Variants in DGKI observed in about 807,000 individuals in gnomAD.
The protein encoded by DGKI is diacylglycerol kinase iota.
In DGKI, 55 loss-of-function variants were observed where a neutral mutation model predicts 147.5. That is an observed-to-expected ratio of 0.37 (90% CI 0.30 to 0.47). The LOEUF is 0.47. Ranked by LOEUF, DGKI falls within the 20% of genes least tolerant of loss-of-function variation. DGKI has a pLI of 1.00. For missense variants in DGKI, 1,007 were observed against 1,323.8 expected (o/e 0.76, Z 3.71); for synonymous variants, 469 against 477.1 (o/e 0.98, Z 0.22).
intron 2 of DGKI, among the ~76,000 whole-genome samples, chr7:137,687,939 C>T (rs1399269148): frequency 6.6e-6 from 1 of 152,098 alleles, no homozygotes; most frequent in Non-Finnish European, 1.5e-5. Flanking sequence ...AGCCTTCATT[C>T]CTATTTGTTT....
intron 23 of DGKI, among the ~76,000 whole-genome samples, chr7:137,484,592 C>T (rs1815487171): frequency 6.6e-6 from 1 of 151,970 alleles, no homozygotes; most frequent in Non-Finnish European, 1.5e-5. Flanking sequence ...GGGAGTAATA[C>T]TGTGTACTAG....
intron 21 of DGKI, among the ~76,000 whole-genome samples, chr7:137,518,394 G>A (rs975637189): frequency 2.0e-5 from 3 of 152,014 alleles, no homozygotes; most frequent in Admixed American, 6.6e-5. Flanking sequence ...TAGGGCAAAT[G>A]CTTAACTAAA....
chr7:137,419,096 C>T (rs1056975219), intron 28 of DGKI, among the ~76,000 whole-genome samples: 1 of 152,208 alleles, frequency 6.6e-6, no homozygotes, highest in Non-Finnish European at 1.5e-5. Flanking sequence ...CTCCCCCCTT[C>T]CCCAGGTCTG....
intron 20 of DGKI, among the ~76,000 whole-genome samples, chr7:137,526,815 G>T (rs1048503934): frequency 6.6e-6 from 1 of 151,966 alleles, no homozygotes; most frequent in Admixed American, 6.6e-5. Flanking sequence ...GCCCTCAAAC[G>T]TCTTCCTCCT....
At chr7:137,622,150 AC>A (rs1820770899) in intron 7 of DGKI, among the ~76,000 whole-genome samples, 2 of 152,240 alleles carry the variant, frequency 1.3e-5, no homozygotes, top group African/African-American at 4.8e-5. Context: ...TTTCCAGACC[AC>A]CGAGTCTCTA....
chr7:137,653,085 C>G (rs113288783), intron 5 of DGKI, among the ~76,000 whole-genome samples: 13 of 152,316 alleles, frequency 8.5e-5, no homozygotes, highest in African/African-American at 2.9e-4. Flanking sequence ...CATTTTCCAA[C>G]ATCTAATCAG....
intron 19 of DGKI, among the ~76,000 whole-genome samples, chr7:137,560,942 AAG>A: frequency 6.6e-6 from 1 of 152,172 alleles, no homozygotes; most frequent in East Asian, 1.9e-4. Flanking sequence ...CAGCAGCAAT[AAG>A]AAAGTAATAC....
chr7:137,522,102 C>T, intron 20 of DGKI, 136 bp from the exon 21 acceptor site: 1 of 612,264 alleles, frequency 1.6e-6, no homozygotes, highest in South Asian at 2.2e-5. Context: ...AAGGTGGGTT[C>T]CTTATCAGAA....
intron 10 of DGKI, among the ~76,000 whole-genome samples, chr7:137,603,433 A>C (rs972799198): frequency 2.0e-5 from 3 of 152,232 alleles, no homozygotes; most frequent in Non-Finnish European, 4.4e-5. Flanking sequence ...TAATGAGAGG[A>C]AGGGCTTAAG....
intron 1 of DGKI, among the ~76,000 whole-genome samples, chr7:137,762,953 C>T (rs1036912944): frequency 1.3e-5 from 2 of 152,202 alleles, no homozygotes; most frequent in Non-Finnish European, 2.9e-5. Flanking sequence ...CATATCTGTT[C>T]AAAACCTTAT....
intron 1 of DGKI, among the ~76,000 whole-genome samples, chr7:137,690,766 C>A (rs1347206873): frequency 6.6e-6 from 1 of 151,988 alleles, no homozygotes; most frequent in Non-Finnish European, 1.5e-5. Context: ...AGAGGGGCTA[C>A]TTTAGCAAAG....
At chr7:137,487,179 G>T (rs909405932) in intron 22 of DGKI, among the ~76,000 whole-genome samples, 22 of 152,028 alleles carry the variant, frequency 1.4e-4, no homozygotes, top group Non-Finnish European at 2.8e-4. Context: ...GAGATGTAGA[G>T]GATTTTTCTT....
chr7:137,413,399 A>G (rs1336531438), intron 28 of DGKI, among the ~76,000 whole-genome samples: 1 of 147,732 alleles, frequency 6.8e-6, no homozygotes, highest in Non-Finnish European at 1.5e-5. Flanking sequence ...CAGTGAACAT[A>G]GTACTCAACA....
chr7:137,447,615 A>G (rs1813765111), intron 27 of DGKI, among the ~76,000 whole-genome samples: 1 of 152,238 alleles, frequency 6.6e-6, no homozygotes, highest in African/African-American at 2.4e-5. Flanking sequence ...TACCAGATAT[A>G]CAAGTAACTC....
rs145467306 is a variant in DGKI, at chr7:137,764,004, CACA to C, written c.402-74005_402-74003del. Among the ~76,000 whole-genome samples the C allele has an allele frequency of 2.0e-3, 303 of 152,346 alleles. 1 individual carries two copies. Among genetic ancestry groups the C allele is most frequent in the African/African-American group, 6.8e-3 (284 of 41,584 alleles). ...CATTTGTTCAGTGTTTGCATATTGT[CACA>C]ACATTTATTTTAAGCCCCTAAAAGT... is the stretch of plus-strand genomic sequence containing the variant. On this transcript the variant is annotated intron_variant, in intron 1 of 32. Transcript: ENST00000614521.
At chr7:137,393,373 G>A (rs755737654) in intron 32 of DGKI, among the ~76,000 whole-genome samples, 10 of 152,092 alleles carry the variant, frequency 6.6e-5, no homozygotes, top group Admixed American at 2.0e-4. Context: ...TGTTTGGTTT[G>A]TCCCTCTTTT....
chr7:137,434,491 G>T (rs1290535265), intron 28 of DGKI, among the ~76,000 whole-genome samples: 1 of 152,154 alleles, frequency 6.6e-6, no homozygotes, highest in Non-Finnish European at 1.5e-5. Flanking sequence ...TGAGACAGGA[G>T]AATTGCTTGA....
intron 27 of DGKI, chr7:137,454,945 CAT>C (rs1243108652): frequency 6.6e-6 from 1 of 152,042 alleles, no homozygotes; most frequent in Non-Finnish European, 1.5e-5. Flanking sequence ...AGGCAAGTCA[CAT>C]GAGAGCCACG....
Position 137,395,089 on chromosome 7 carries a change from A to C in DGKI, c.3057+509T>G, listed in dbSNP as rs1811499621. Among the ~76,000 whole-genome samples the C allele has an allele frequency of 3.3e-5, 5 of 152,192 alleles. No homozygotes were observed. In the South Asian group the frequency reaches 1.0e-3, roughly 32 times the overall value. On this transcript the variant is annotated intron_variant, in intron 32 of 32. Transcript: ENST00000614521. ...TTTTTAAAAATGAAGAACTACATAA[A>C]CACACCAGATTTAAGACTATGACCA...
Sources: gnomAD v4.1 joint callset for allele counts (sites outside exome capture counted in the v4.1 genomes callset) on GRCh38, gnomAD v4.1.1 for gene constraint, MANE v1.5 for transcripts, NCBI Gene and HGNC (gene_info 2026-07-23, HGNC 2026-07-21) for gene names.